The following CLSTN2 variants were observed in gnomAD, a reference collection of about 807,000 sequenced individuals.
The protein encoded by CLSTN2 is calsyntenin-2.
In CLSTN2, 48 loss-of-function variants were observed where a neutral mutation model predicts 101.2. That is an observed-to-expected ratio of 0.47 (90% CI 0.38 to 0.60). The LOEUF (loss-of-function observed/expected upper bound fraction) is 0.60. Ranked by LOEUF, CLSTN2 falls within the 20% of genes least tolerant of loss-of-function variation. The pLI is 0.00. For synonymous variants in CLSTN2, 481 were observed against 463.6 expected (o/e 1.04, Z -0.48); for missense variants, 1,160 against 1,238.2 (o/e 0.94, Z 0.95).
At chr3:139,998,911 G>A (rs2006756063) in intron 1 of CLSTN2, among the ~76,000 whole-genome samples, 1 of 152,140 alleles carries the variant, frequency 6.6e-6, no homozygotes, top group South Asian at 2.1e-4. Flanking sequence ...TGGAAACCTT[G>A]AGGCCAAATT....
At chr3:140,091,842 C>T (rs1032437229) in intron 1 of CLSTN2, among the ~76,000 whole-genome samples, 5 of 152,160 alleles carry the variant, frequency 3.3e-5, no homozygotes, top group African/African-American at 1.2e-4. Context: ...CTTTTATTGC[C>T]TCACCATACA....
intron 2 of CLSTN2, among the ~76,000 whole-genome samples, chr3:140,402,388 C>A (rs1405913213): frequency 6.6e-6 from 1 of 152,150 alleles, no homozygotes; most frequent in East Asian, 1.9e-4. Flanking sequence ...AAATATTTAA[C>A]CTTTCTGATT....
intron 1 of CLSTN2, among the ~76,000 whole-genome samples, chr3:140,019,648 G>A (rs1364237171): frequency 6.6e-6 from 1 of 152,164 alleles, no homozygotes; most frequent in Non-Finnish European, 1.5e-5. Flanking sequence ...TAAAGCAGAG[G>A]AAGGATATGA....
intron 1 of CLSTN2, among the ~76,000 whole-genome samples, chr3:140,155,680 T>C (rs2009942054): frequency 6.6e-6 from 1 of 152,182 alleles, no homozygotes; most frequent in Non-Finnish European, 1.5e-5. Flanking sequence ...TGGGAAATCC[T>C]AGATAATACC....
chr3:140,406,074 G>A (rs1215926048), intron 4 of CLSTN2, among the ~76,000 whole-genome samples: 1 of 152,200 alleles, frequency 6.6e-6, no homozygotes, highest in Non-Finnish European at 1.5e-5. Context: ...TGAAGATGGT[G>A]CACAAAGAAT....
At chr3:140,186,821 T>C (rs2010491703) in intron 2 of CLSTN2, among the ~76,000 whole-genome samples, 1 of 152,084 alleles carries the variant, frequency 6.6e-6, no homozygotes, top group African/African-American at 2.4e-5. Context: ...AAATACAATT[T>C]GTGTATTTTT....
At chr3:140,235,757 AC>A (rs1157066718) in intron 2 of CLSTN2, among the ~76,000 whole-genome samples, 1 of 152,138 alleles carries the variant, frequency 6.6e-6, no homozygotes, top group African/African-American at 2.4e-5. Context: ...ACATTCTCCT[AC>A]TGAGTAGATG....
At chr3:140,186,830 T>C (rs1227562943) in intron 2 of CLSTN2, among the ~76,000 whole-genome samples, 1 of 152,198 alleles carries the variant, frequency 6.6e-6, no homozygotes, top group East Asian at 1.9e-4. Flanking sequence ...TTGTGTATTT[T>C]TTTTAATGGA....
At chr3:140,181,809 T>C (rs1341661476) in intron 2 of CLSTN2, among the ~76,000 whole-genome samples, 1 of 152,124 alleles carries the variant, frequency 6.6e-6, no homozygotes, top group Non-Finnish European at 1.5e-5. Context: ...CATTGAGGCT[T>C]TGGGAAATTT....
intron 2 of CLSTN2, among the ~76,000 whole-genome samples, chr3:140,290,887 A>G (rs1331362368): frequency 6.6e-6 from 1 of 152,142 alleles, no homozygotes; most frequent in Non-Finnish European, 1.5e-5. Flanking sequence ...TTTCAGGGCT[A>G]ATTTTTCACC....
At chr3:140,330,917 T>C in intron 2 of CLSTN2, among the ~76,000 whole-genome samples, 1 of 152,154 alleles carries the variant, frequency 6.6e-6, no homozygotes, top group East Asian at 1.9e-4. Context: ...TTAATCAGGG[T>C]TCTCCAGAGG....
At chr3:140,515,467 C>A (rs1160382047) in intron 8 of CLSTN2, among the ~76,000 whole-genome samples, 2 of 151,928 alleles carry the variant, frequency 1.3e-5, no homozygotes, top group Non-Finnish European at 2.9e-5. Flanking sequence ...TTAGATTGTC[C>A]ATTTGTGCTC....
At chr3:140,378,870 T>A (rs549750877) in intron 2 of CLSTN2, among the ~76,000 whole-genome samples, 1 of 152,324 alleles carries the variant, frequency 6.6e-6, no homozygotes, top group South Asian at 2.1e-4. Flanking sequence ...AAACACCACA[T>A]CTAGTGCTTG....
rs60464575 is a variant in CLSTN2, at chr3:140,163,419, T to TACAC, written c.110-12504_110-12501dup. On this transcript the variant is annotated intron_variant, in intron 1 of 16. Coordinates refer to ENST00000458420, the MANE Select transcript of CLSTN2 (RefSeq NM_022131.3). ...TCAATTCTTTAAAATTTTCTATCTCTACACACACACACACACACACACACA... is the reference window on the plus strand; with the variant it reads ...TCAATTCTTTAAAATTTTCTATCTCTACACACACACACACACACACACACACACA... Among the ~76,000 whole-genome samples the TACAC allele has an allele frequency of 6.4e-3, 928 of 145,092 alleles. 2 individuals are homozygous for TACAC. Among genetic ancestry groups the TACAC allele is most frequent in the African/African-American group, 0.016 (618 of 39,670 alleles).
rs753973968 is a variant in CLSTN2, at chr3:140,404,768, T to G, written c.637+2T>G. On this transcript the variant is annotated splice_donor_variant, in intron 4 of 16. Coordinates refer to ENST00000458420, the MANE Select transcript of CLSTN2 (RefSeq NM_022131.3). LOFTEE classifies it high-confidence loss of function. The stretch of plus-strand genomic sequence containing the variant: ...TGCCTTTTGCCATCGACAGAAATGG[T>G]GAGTGACCTCAGAGGACCCCTGTGG... The G allele has an allele frequency of 1.9e-6, 3 of 1,613,948 alleles. No individual in the cohort carries two copies. Among genetic ancestry groups the G allele is most frequent in the Non-Finnish European group, 1.7e-6 (2 of 1,179,842 alleles).
intron 2 of CLSTN2, among the ~76,000 whole-genome samples, chr3:140,328,018 T>C (rs1415514937): frequency 2.6e-5 from 4 of 152,156 alleles, no homozygotes; most frequent in African/African-American, 9.7e-5. Context: ...CAGAAGCCCA[T>C]GGGAATCACA....
At chr3:140,310,200 T>G (rs561557841) in intron 2 of CLSTN2, among the ~76,000 whole-genome samples, 6 of 152,052 alleles carry the variant, frequency 3.9e-5, no homozygotes, top group Non-Finnish European at 7.4e-5. Context: ...ACAGCCAGAG[T>G]TATTTTTATA....
rs1576425592 is a variant in CLSTN2, at chr3:140,096,885, A to G, written c.110-79066A>G. 2.6e-5 allele frequency among the ~76,000 whole-genome samples: 4 copies of G among 152,360 alleles called. No homozygotes were observed. The East Asian group carries it at 7.7e-4, about 29-fold the overall frequency. ...CCGTGTGAAGAGACATGAAAGAGGC[A>G]GTAGGCAGAGTAGCTATAGCCACAG... On this transcript the variant is annotated intron_variant, in intron 1 of 16. Transcript: ENST00000458420.
chr3:140,367,753 T>C (rs911309636), intron 2 of CLSTN2, among the ~76,000 whole-genome samples: 1 of 152,202 alleles, frequency 6.6e-6, no homozygotes, highest in African/African-American at 2.4e-5. Context: ...CTTATTAAAT[T>C]TGTAGCATTG....
Sources: allele counts gnomAD v4.1 joint callset (sites outside exome capture counted in the v4.1 genomes callset), GRCh38; gene constraint gnomAD v4.1.1; transcripts MANE v1.5; gene names NCBI Gene and HGNC (gene_info 2026-07-23, HGNC 2026-07-21).